The following KLHL1 variants were observed in gnomAD, a reference collection of about 807,000 sequenced individuals.
The protein encoded by KLHL1 is kelch like family member 1, also known as kelch-like protein 1.
KLHL1 carries 47 observed loss-of-function variants against 77.7 expected under a neutral mutation model. The observed-to-expected ratio is 0.60, with a 90% confidence interval of 0.48 to 0.77. KLHL1 has a LOEUF of 0.77. Among genes scored for constraint, KLHL1 ranks in the 30% least tolerant of loss-of-function variants. The pLI is 0.00. For synonymous variants in KLHL1, 360 were observed against 325.2 expected (o/e 1.11, Z -1.15); for missense variants, 925 against 910.8 (o/e 1.02, Z -0.20).
chr13:69,914,162 T>C (rs899177255), intron 4 of KLHL1, among the ~76,000 whole-genome samples: 3 of 152,132 alleles, frequency 2.0e-5, no homozygotes, highest in Non-Finnish European at 4.4e-5. Flanking sequence ...GACCTCACCT[T>C]GTGATCCTGT....
At chr13:69,814,821 G>T (rs1002212636) in intron 6 of KLHL1, among the ~76,000 whole-genome samples, 1 of 151,908 alleles carries the variant, frequency 6.6e-6, no homozygotes, top group African/African-American at 2.4e-5. Context: ...GACCATCCTG[G>T]CTAACATGGT....
chr13:69,813,563 C>T (rs1052317358), intron 6 of KLHL1, among the ~76,000 whole-genome samples: 1 of 151,412 alleles, frequency 6.6e-6, no homozygotes, highest in Non-Finnish European at 1.5e-5. Context: ...TTTCAGGATG[C>T]AGAATCAATG....
intron 4 of KLHL1, among the ~76,000 whole-genome samples, chr13:69,937,303 A>G (rs1475751119): frequency 1.3e-5 from 2 of 152,218 alleles, no homozygotes; most frequent in Admixed American, 6.6e-5. Context: ...AAACAGAATG[A>G]GAAACACTTA....
chr13:69,953,362 A>T (rs1417919477), intron 3 of KLHL1, among the ~76,000 whole-genome samples: 1 of 151,142 alleles, frequency 6.6e-6, no homozygotes, highest in Non-Finnish European at 1.5e-5. Context: ...CATGCTTTTC[A>T]CTCAATGTGA....
At chr13:69,786,456 AC>A (rs1236854665) in intron 7 of KLHL1, among the ~76,000 whole-genome samples, 4 of 152,202 alleles carry the variant, frequency 2.6e-5, no homozygotes, top group East Asian at 1.9e-4. Flanking sequence ...AAATTCAACA[AC>A]CCTTCATGCT....
intron 2 of KLHL1, 90 bp from the exon 3 acceptor site, chr13:69,961,534 A>C: frequency 7.5e-7 from 1 of 1,334,116 alleles, no homozygotes; most frequent in Non-Finnish European, 1.1e-6. Context: ...CACAAAATCA[A>C]TCTATTGATC....
intron 1 of KLHL1, among the ~76,000 whole-genome samples, chr13:69,998,677 G>C (rs1441694945): frequency 2.6e-5 from 4 of 151,992 alleles, no homozygotes; most frequent in Non-Finnish European, 5.9e-5. Flanking sequence ...GATGACTACA[G>C]ACTTATCGAC....
intron 4 of KLHL1, among the ~76,000 whole-genome samples, chr13:69,888,822 TA>T (rs1364692236): frequency 1.3e-5 from 2 of 152,136 alleles, no homozygotes; most frequent in African/African-American, 4.8e-5. Flanking sequence ...ATTATAATTT[TA>T]AAAAAACTTA....
At chr13:70,069,100 A>T (rs1435645850) in intron 1 of KLHL1, among the ~76,000 whole-genome samples, 4 of 152,192 alleles carry the variant, frequency 2.6e-5, no homozygotes, top group African/African-American at 9.7e-5. Flanking sequence ...ACCTGAAGGA[A>T]GTGAAAAATA....
chr13:70,071,398 C>T (rs980418852), intron 1 of KLHL1, among the ~76,000 whole-genome samples: 1 of 151,868 alleles, frequency 6.6e-6, no homozygotes, highest in African/African-American at 2.4e-5. Context: ...AATAGATAAA[C>T]CCCCTATGTT....
intron 7 of KLHL1, among the ~76,000 whole-genome samples, chr13:69,764,096 G>C (rs1233236873): frequency 6.6e-6 from 1 of 152,114 alleles, no homozygotes; most frequent in Non-Finnish European, 1.5e-5. Flanking sequence ...GACAAAATGG[G>C]GGAAATCGTT....
In KLHL1 at chr13:69,975,612, T is replaced by A. The variant is rs759597401; in HGVS notation, c.680+8A>T. 9 of 1,611,516 alleles carry A rather than the reference T, an allele frequency of 5.6e-6. No individual in the cohort carries two copies. Among genetic ancestry groups the A allele is most frequent in the Admixed American group, 1.7e-5 (1 of 59,378 alleles). On this transcript the variant is annotated splice_region_variant and intron_variant, in intron 2 of 10. Transcript: ENST00000377844. ...ATGCATGTTTCCAGTAGAGGCAGAC[T>A]ACTGTACCTATGTGCAGGTATCTTT...
chr13:69,871,319 T>A (rs890593990), intron 5 of KLHL1, among the ~76,000 whole-genome samples: 1 of 152,140 alleles, frequency 6.6e-6, no homozygotes, highest in Non-Finnish European at 1.5e-5. Flanking sequence ...ATTCTGTCAT[T>A]CTAGGCCTCT....
At chr13:69,992,530 A>G (rs1011030708) in intron 1 of KLHL1, among the ~76,000 whole-genome samples, 2 of 152,166 alleles carry the variant, frequency 1.3e-5, no homozygotes, top group Non-Finnish European at 2.9e-5. Flanking sequence ...TGATGTTACT[A>G]CAATCTACTT....
chr13:69,705,708 T>C (rs1875592887), intron 10 of KLHL1, among the ~76,000 whole-genome samples: 1 of 151,776 alleles, frequency 6.6e-6, no homozygotes, highest in Non-Finnish European at 1.5e-5. Context: ...TAATGTTTAC[T>C]GTATTAAAAT....
intron 7 of KLHL1, among the ~76,000 whole-genome samples, chr13:69,789,491 A>T (rs1876757079): frequency 6.6e-6 from 1 of 152,166 alleles, no homozygotes; most frequent in Admixed American, 6.5e-5. Flanking sequence ...TTAGTTGACT[A>T]CTTTTTTCAT....
intron 5 of KLHL1, among the ~76,000 whole-genome samples, chr13:69,846,649 A>C (rs1879469727): frequency 6.6e-6 from 1 of 151,600 alleles, no homozygotes; most frequent in Non-Finnish European, 1.5e-5. Flanking sequence ...TTGTTAAAAT[A>C]TTATTCATTG....
intron 4 of KLHL1, among the ~76,000 whole-genome samples, chr13:69,911,917 C>A (rs1360176599): frequency 6.6e-6 from 1 of 152,118 alleles, no homozygotes. Flanking sequence ...TTATGTAAAA[C>A]AACTAATTTA....
intron 6 of KLHL1, among the ~76,000 whole-genome samples, chr13:69,801,830 A>G (rs1293289314): frequency 6.6e-6 from 1 of 152,180 alleles, no homozygotes; most frequent in Non-Finnish European, 1.5e-5. Context: ...GTTATTAGAA[A>G]TAATTCCTAC....
Sources: allele counts gnomAD v4.1 joint callset (sites outside exome capture counted in the v4.1 genomes callset), GRCh38; gene constraint gnomAD v4.1.1; transcripts MANE v1.5; gene names NCBI Gene and HGNC (gene_info 2026-07-23, HGNC 2026-07-21).